Variants in CACNA1E observed in about 807,000 individuals in gnomAD.
The protein encoded by CACNA1E is calcium voltage-gated channel subunit alpha1 E, also known as voltage-dependent R-type calcium channel subunit alpha-1E.
Under a neutral mutation model 259.2 loss-of-function variants are expected in CACNA1E, and 40 were observed. The observed-to-expected ratio is 0.15, with a 90% CI of 0.12 to 0.20. The LOEUF is 0.20. Ranked by LOEUF, CACNA1E falls within the 10% of genes least tolerant of loss-of-function variation. The probability of loss-of-function intolerance (pLI) is 1.00; values close to 1 mark genes in which losing one functional copy is unlikely to be tolerated. For missense variants in CACNA1E, 1,874 were observed against 3,040.1 expected (o/e 0.62, Z 9.02); for synonymous variants, 1,104 against 1,138.5 (o/e 0.97, Z 0.61).
chr1:181,582,707 A>G (rs938033649), intron 6 of CACNA1E, among the ~76,000 whole-genome samples: 3 of 152,158 alleles, frequency 2.0e-5, no homozygotes, highest in African/African-American at 7.2e-5. Context: ...TTACATGCCA[A>G]GCACTGTCCT....
intron 3 of CACNA1E, among the ~76,000 whole-genome samples, chr1:181,565,311 A>G (rs1372108775): frequency 1.3e-5 from 2 of 152,238 alleles, no homozygotes; most frequent in Non-Finnish European, 2.9e-5. Context: ...TGCAGGCAGA[A>G]TTAGAAAATA....
intron 1 of CACNA1E, among the ~76,000 whole-genome samples, chr1:181,507,640 C>T (rs748932526): frequency 6.6e-6 from 1 of 152,172 alleles, no homozygotes; most frequent in Non-Finnish European, 1.5e-5. Flanking sequence ...GTCTTGCCTG[C>T]AGGCTCAGCA....
rs544545460 is a variant in CACNA1E at position 181,452,637 on chromosome 1, C to T, written c.435-31107C>T. Among the ~76,000 whole-genome samples, 21 of 152,300 alleles carry T rather than the reference C, an allele frequency of 1.4e-4. No individual in the cohort carries two copies. The South Asian group carries it at 3.5e-3, about 26-fold the overall frequency. ...GAAGGTTTCCCCCAAGGAAGCATTT[C>T]CCAATGTGGAAAAACCTACTCTATG... is the stretch of plus-strand genomic sequence containing the variant. On this transcript the variant is annotated intron_variant, in intron 2 of 11. Transcript: ENST00000524607.
At chr1:181,652,085 G>GTTTCATCAGGGATAT (rs1658810747) in intron 7 of CACNA1E, 1 of 152,246 alleles carries the variant, frequency 6.6e-6, no homozygotes. Context: ...ATCAGGGATA[G>GTTTCATCAGGGATAT]TTTCATCAAG....
At chr1:181,696,214 T>C (rs1322070401) in intron 7 of CACNA1E, among the ~76,000 whole-genome samples, 2 of 149,294 alleles carry the variant, frequency 1.3e-5, no homozygotes, top group Non-Finnish European at 3.0e-5. Context: ...ACGTAACATA[T>C]ATCTTTTTTT....
chr1:181,701,856 T>C (rs1267981699), intron 7 of CACNA1E, among the ~76,000 whole-genome samples: 2 of 152,226 alleles, frequency 1.3e-5, no homozygotes, highest in African/African-American at 4.8e-5. Flanking sequence ...TTGTGGGTTT[T>C]TTGGTTTTGT....
chr1:181,484,883 A>G (rs1030089097), intron 1 of CACNA1E, among the ~76,000 whole-genome samples: 7 of 152,194 alleles, frequency 4.6e-5, no homozygotes, highest in African/African-American at 1.7e-4. Context: ...TGCTCTCCCC[A>G]AAGCACTGGT....
intron 1 of CACNA1E, among the ~76,000 whole-genome samples, chr1:181,386,356 G>T (rs535946875): frequency 6.6e-6 from 1 of 152,350 alleles, no homozygotes; most frequent in South Asian, 2.1e-4. Context: ...GCAGCTTGTG[G>T]AAGGTCAGGA....
chr1:181,464,931 T>TTA (rs902086704), intron 2 of CACNA1E, among the ~76,000 whole-genome samples: 5 of 151,842 alleles, frequency 3.3e-5, no homozygotes, highest in Admixed American at 6.6e-5. Context: ...AAATTAGACA[T>TTA]TATATATATA....
chr1:181,391,804 C>T (rs942132906), intron 1 of CACNA1E, among the ~76,000 whole-genome samples: 8 of 151,964 alleles, frequency 5.3e-5, no homozygotes, highest in Admixed American at 3.3e-4. Context: ...GGGTTTGGCT[C>T]GTAGGTGGAA....
intron 6 of CACNA1E, among the ~76,000 whole-genome samples, chr1:181,644,991 A>G (rs1572474340): frequency 1.3e-5 from 2 of 152,182 alleles, no homozygotes; most frequent in Non-Finnish European, 1.5e-5. Flanking sequence ...GTGAGTTATT[A>G]GCAGCCAACA....
intron 1 of CACNA1E, among the ~76,000 whole-genome samples, chr1:181,392,278 C>G (rs1273729391): frequency 6.6e-6 from 1 of 152,172 alleles, no homozygotes; most frequent in African/African-American, 2.4e-5. Context: ...ACCCTCCATG[C>G]CTTTGCATGT....
chr1:181,686,788 G>A (rs1650627480), intron 7 of CACNA1E, among the ~76,000 whole-genome samples: 1 of 152,176 alleles, frequency 6.6e-6, no homozygotes, highest in African/African-American at 2.4e-5. Context: ...ACATGGTGGG[G>A]ATGCTTGCAG....
intron 1 of CACNA1E, among the ~76,000 whole-genome samples, chr1:181,343,500 C>T (rs577822933): frequency 1.3e-5 from 2 of 152,246 alleles, no homozygotes; most frequent in South Asian, 2.1e-4. Context: ...TCCCTTCTAC[C>T]GTGACTGTAA....
chr1:181,416,942 C>T (rs148224983), intron 2 of CACNA1E, among the ~76,000 whole-genome samples: 1 of 152,206 alleles, frequency 6.6e-6, no homozygotes. Context: ...ATGTAGATGA[C>T]CCTTCCTGCA....
chr1:181,402,072 T>C (rs976955448), intron 1 of CACNA1E, among the ~76,000 whole-genome samples: 2 of 152,212 alleles, frequency 1.3e-5, no homozygotes, highest in Non-Finnish European at 2.9e-5. Flanking sequence ...TTTTGTATCA[T>C]TACATATTTT....
At chr1:181,547,663 G>T (rs75402687) in intron 3 of CACNA1E, among the ~76,000 whole-genome samples, 1 of 152,346 alleles carries the variant, frequency 6.6e-6, no homozygotes, top group East Asian at 1.9e-4. Flanking sequence ...CAGCTGACTG[G>T]GATGTTGTCA....
chr1:181,490,744 C>A (rs1664244023), intron 1 of CACNA1E, among the ~76,000 whole-genome samples: 1 of 152,082 alleles, frequency 6.6e-6, no homozygotes, highest in South Asian at 2.1e-4. Flanking sequence ...TTTCCAAAGA[C>A]TTGTGTCATT....
chr1:181,687,262 C>T (rs1650676238), intron 7 of CACNA1E, among the ~76,000 whole-genome samples: 2 of 152,326 alleles, frequency 1.3e-5, no homozygotes, highest in South Asian at 4.1e-4. Flanking sequence ...TTCATGTTTT[C>T]TGTCCTGCCT....
Sources: allele counts gnomAD v4.1 joint callset (sites outside exome capture counted in the v4.1 genomes callset), GRCh38; gene constraint gnomAD v4.1.1; transcripts MANE v1.5; gene names NCBI Gene and HGNC (gene_info 2026-07-23, HGNC 2026-07-21).